Variants in CXCL5 observed in about 807,000 individuals in gnomAD.
CXCL5 encodes C-X-C motif chemokine 5.
Under a neutral mutation model 12.1 loss-of-function variants are expected in CXCL5, and 13 were observed. That is an observed-to-expected ratio of 1.08 (90% CI 0.70 to 1.71). The LOEUF is 1.71. Ranked by LOEUF, CXCL5 falls within the 40% of genes most tolerant of loss-of-function variation. CXCL5 has a pLI of 0.00. For missense variants in CXCL5, 159 were observed against 142.4 expected, an observed-to-expected ratio of 1.12 and a Z score of -0.59; for synonymous variants, 67 against 59.0, an observed-to-expected ratio of 1.14 and a Z score of -0.62.
In CXCL5 at chr4:73,997,360, G is replaced by T; in HGVS notation, c.*277C>A. Reference sequence around the variant, plus strand: ...TTCCTGGCTCACACTATAGTCAATTGCCAAAACTTCAATAGCATAGCAGAT... The same window carrying T: ...TTCCTGGCTCACACTATAGTCAATTTCCAAAACTTCAATAGCATAGCAGAT... On this transcript the variant is annotated 3_prime_UTR_variant, in exon 4 of 4. Coordinates refer to ENST00000296027, the MANE Select transcript of CXCL5 (RefSeq NM_002994.5). The T allele has an allele frequency of 2.7e-6, 1 of 368,580 alleles. No individual in the cohort carries two copies. The highest frequency in any genetic ancestry group is 4.8e-6 in the Non-Finnish European group (1 of 209,078). 22.8% of individuals were successfully genotyped at this position (368,580 alleles called of 1,614,324 possible).
chr4:73,998,448 C>T (rs1378162337), intron 1 of CXCL5, 25 bp downstream of exon 1: 2 of 1,606,062 alleles, frequency 1.2e-6, no homozygotes, highest in East Asian at 2.2e-5. Flanking sequence ...AGTGCGAGTG[C>T]GTCCCGCGCG....
Position 73,996,630 on chromosome 4 carries a change from T to A in CXCL5, c.*1007A>T, listed in dbSNP as rs1578182557. 2 of 152,676 alleles carry A rather than the reference T, an allele frequency of 1.3e-5. No homozygotes were observed. Among genetic ancestry groups the A allele is most frequent in the Non-Finnish European group, 1.5e-5 (1 of 68,016 alleles). 9.5% of individuals were successfully genotyped at this position (152,676 alleles called of 1,614,324 possible). Reference sequence around the variant, plus strand: ...TTTTAACATTCCAAGCTCTCTCTGGTCCCCTATCCAAGGAGAAATGCTAGG... The same window carrying A: ...TTTTAACATTCCAAGCTCTCTCTGGACCCCTATCCAAGGAGAAATGCTAGG... On this transcript the variant is annotated 3_prime_UTR_variant, in exon 4 of 4. Transcript: ENST00000296027.
chr4:73,997,597 A>C lies in CXCL5; in HGVS notation c.*40T>G. The C allele has an allele frequency of 6.4e-7, 1 of 1,572,062 alleles. No individual in the cohort carries two copies. The highest frequency in any genetic ancestry group is 8.7e-7 in the Non-Finnish European group (1 of 1,147,686). The stretch of plus-strand genomic sequence containing the variant: ...AGACCTCCAGAAAACTTCTCTGCTG[A>C]AGACTGGGAAACTTTTCCATGCGTG... On this transcript the variant is annotated 3_prime_UTR_variant, in exon 4 of 4. Coordinates refer to ENST00000296027, the MANE Select transcript of CXCL5 (RefSeq NM_002994.5).
At position 73,998,552 on chromosome 4, in the gene CXCL5, A is replaced by G; in HGVS notation, c.30T>C (p.Arg10=). The G allele has an allele frequency of 6.3e-7, 1 of 1,592,570 alleles. No individual in the cohort carries two copies. The highest frequency in any genetic ancestry group is 8.6e-7 in the Non-Finnish European group (1 of 1,169,408). MSLLSSRAA[R]VPGPSSSLCA... ...ACAAGGAGCTCGAAGGACCGGGGAC[A>G]CGGGCCGCGCGGCTGGACAGGAGGC... Residue 10 remains arginine (R), a synonymous_variant, in exon 1 of 4, where the codon CGT becomes CGC. Transcript: ENST00000296027.
rs1430968873 is a variant in CXCL5, at chr4:73,995,825, A to G, written c.*1812T>C. ...GGCATCTAAAAAGCTCAGCAATGCT[A>G]AATATATAATATATATTATATATAA... On this transcript the variant is annotated 3_prime_UTR_variant, in exon 4 of 4. Coordinates refer to ENST00000296027, the MANE Select transcript of CXCL5 (RefSeq NM_002994.5). 2.7e-5 allele frequency: 4 copies of G among 148,390 alleles called. No individual in the cohort carries two copies. The highest frequency in any genetic ancestry group is 9.8e-5 in the African/African-American group (4 of 40,878). 9.2% of individuals were successfully genotyped at this position (148,390 alleles called of 1,614,324 possible).
At position 73,997,560 on chromosome 4, in the gene CXCL5, C is replaced by T. The variant is rs1025950739; in HGVS notation, c.*77G>A. 17 of 1,066,058 alleles carry T rather than the reference C, an allele frequency of 1.6e-5. No individual in the cohort carries two copies. The Admixed American group carries it at 3.3e-4, about 21-fold the overall frequency. The allele number at this position is 1,066,058 out of a possible 1,614,324, so 66.0% of individuals were successfully genotyped here. A position where few individuals can be genotyped will look rare whatever the true frequency, so the allele number is the denominator to read the frequency against. On this transcript the variant is annotated 3_prime_UTR_variant, in exon 4 of 4. Transcript: ENST00000296027. ...CAACAAAATCTTTCCTTCTTGTCTT[C>T]CCTGGGTTCAGAGACCTCCAGAAAA...
chr4:73,998,430 T>C, intron 1 of CXCL5, 43 bp downstream of exon 1: 2 of 1,607,682 alleles, frequency 1.2e-6, no homozygotes, highest in Non-Finnish European at 1.7e-6. Context: ...GATGCACCTC[T>C]GTGCCCGAGT....
chr4:73,997,931 G>T, intron 3 of CXCL5, 81 bp downstream of exon 3: 1 of 1,206,942 alleles, frequency 8.3e-7, no homozygotes, highest in Non-Finnish European at 1.2e-6. Flanking sequence ...TACTTAAATC[G>T]TACAGAGAAT....
In CXCL5 at chr4:73,997,231, A is replaced by G. The variant is rs566215509; in HGVS notation, c.*406T>C. Reference sequence around the variant, plus strand: ...AGAATTCTTATGAAACATCATTTCCACATTAAATCCACAGCCTTCTCAGTT... The same window carrying G: ...AGAATTCTTATGAAACATCATTTCCGCATTAAATCCACAGCCTTCTCAGTT... On this transcript the variant is annotated 3_prime_UTR_variant, in exon 4 of 4. Coordinates refer to ENST00000296027, the MANE Select transcript of CXCL5 (RefSeq NM_002994.5). 1.8e-5 allele frequency: 3 copies of G among 167,532 alleles called. No individual in the cohort carries two copies. The highest frequency in any genetic ancestry group is 4.7e-5 in the African/African-American group (2 of 42,306). 10.4% of individuals were successfully genotyped at this position (167,532 alleles called of 1,614,324 possible). A position where few individuals can be genotyped will look rare whatever the true frequency, so the allele number is the denominator to read the frequency against.
chr4:73,997,590 T>C lies in CXCL5; in HGVS notation c.*47A>G, dbSNP rs780931521. On this transcript the variant is annotated 3_prime_UTR_variant, in exon 4 of 4. Coordinates refer to ENST00000296027, the MANE Select transcript of CXCL5 (RefSeq NM_002994.5). ...GGTTCAGAGACCTCCAGAAAACTTC[T>C]CTGCTGAAGACTGGGAAACTTTTCC... is the stretch of plus-strand genomic sequence containing the variant. 4.6e-6 allele frequency: 7 copies of C among 1,532,624 alleles called. No individual in the cohort carries two copies. The African/African-American group carries it at 8.3e-5, about 18-fold the overall frequency. 94.9% of individuals were successfully genotyped at this position (1,532,624 alleles called of 1,614,324 possible).
chr4:73,998,288 T>G lies in CXCL5; in HGVS notation c.160A>C (p.Thr54Pro). 1 of 1,614,124 alleles carries G rather than the reference T, an allele frequency of 6.2e-7. No individual in the cohort carries two copies. The highest frequency in any genetic ancestry group is 8.5e-7 in the Non-Finnish European group (1 of 1,180,018). Residue 54 changes from threonine to proline, a missense_variant, in exon 2 of 4, where the codon ACC becomes CCC. Coordinates refer to ENST00000296027, the MANE Select transcript of CXCL5 (RefSeq NM_002994.5). ...ATTTTGGGATGAACTCCTTGCGTGG[T>G]CTGTAAACAAACGCAACGCAGCTCT... ...LRELRCVCLQ[T>P]TQGVHPKMIS...
At position 73,996,331 on chromosome 4, in the gene CXCL5, T is replaced by C. The variant is rs996120975; in HGVS notation, c.*1306A>G. ...GCTTCAAAATCCCAGTGAAATGAAC[T>C]GTGCTAAAAACCCGACAGGCATCTT... is the stretch of plus-strand genomic sequence containing the variant. On this transcript the variant is annotated 3_prime_UTR_variant, in exon 4 of 4. Transcript: ENST00000296027. 1 of 152,470 alleles carries C rather than the reference T, an allele frequency of 6.6e-6. No individual in the cohort carries two copies. Among genetic ancestry groups the C allele is most frequent in the Non-Finnish European group, 1.5e-5 (1 of 68,032 alleles). 9.4% of individuals were successfully genotyped at this position (152,470 alleles called of 1,614,324 possible). A position where few individuals can be genotyped will look rare whatever the true frequency, so the allele number is the denominator to read the frequency against.
At chr4:73,998,164 C>G in intron 2 of CXCL5, 42 bp downstream of exon 2, 1 of 1,613,940 alleles carries the variant, frequency 6.2e-7, no homozygotes, top group Non-Finnish European at 8.5e-7. Flanking sequence ...CGGGATTTCT[C>G]TCTTGCCAAG....
At position 73,997,779 on chromosome 4, in the gene CXCL5, T is replaced by C. The variant is rs113256650; in HGVS notation, c.327-124A>G. 29 of 832,808 alleles carry C rather than the reference T, an allele frequency of 3.5e-5. 1 individual carries two copies. Among genetic ancestry groups the C allele is most frequent in the African/African-American group, 2.6e-4 (15 of 58,004 alleles). The allele number at this position is 832,808 out of a possible 1,614,324, so 51.6% of individuals were successfully genotyped here. On this transcript the variant is annotated intron_variant, in intron 3 of 3. Transcript: ENST00000296027. ...AGAATACAAAAATCAATAAAAGCAATGGGTAAACAAAAAACATAACTTAGT... is the reference window on the plus strand; with the variant it reads ...AGAATACAAAAATCAATAAAAGCAACGGGTAAACAAAAAACATAACTTAGT...
In CXCL5 at chr4:73,996,611, C is replaced by T. The variant is rs1023785266; in HGVS notation, c.*1026G>A. 1 of 152,322 alleles carries T rather than the reference C, an allele frequency of 6.6e-6. No individual in the cohort carries two copies. Among genetic ancestry groups the T allele is most frequent in the Non-Finnish European group, 1.5e-5 (1 of 68,000 alleles). The allele number at this position is 152,322 out of a possible 1,614,324, so 9.4% of individuals were successfully genotyped here. On this transcript the variant is annotated 3_prime_UTR_variant, in exon 4 of 4. Transcript: ENST00000296027. ...TTTTTTTGTTTTGTTTTGTTTTTAA[C>T]ATTCCAAGCTCTCTCTGGTCCCCTA...
Position 73,997,432 on chromosome 4 carries a change from C to A in CXCL5, c.*205G>T. 1.8e-6 allele frequency: 1 copy of A among 561,160 alleles called. No homozygotes were observed. Among genetic ancestry groups the A allele is most frequent in the South Asian group, 2.5e-5 (1 of 40,766 alleles). The allele number at this position is 561,160 out of a possible 1,614,324, so 34.8% of individuals were successfully genotyped here. On this transcript the variant is annotated 3_prime_UTR_variant, in exon 4 of 4. Coordinates refer to ENST00000296027, the MANE Select transcript of CXCL5 (RefSeq NM_002994.5). ...GGTACTATGCTAAACACTTCATTAG[C>A]TGAGCTGAAAGCTTAAGCGGCAAAC...
chr4:73,998,591 G>C lies in CXCL5; in HGVS notation c.-10C>G. The C allele has an allele frequency of 6.4e-7, 1 of 1,573,860 alleles. No homozygotes were observed. Among genetic ancestry groups the C allele is most frequent in the South Asian group, 1.2e-5 (1 of 86,258 alleles). ...TGGACAGGAGGCTCATAGTGGTCAAGAGAGCGCTGCGAGCGGTCGCGGGTT... is the reference window on the plus strand; with the variant it reads ...TGGACAGGAGGCTCATAGTGGTCAACAGAGCGCTGCGAGCGGTCGCGGGTT... On this transcript the variant is annotated 5_prime_UTR_variant, in exon 1 of 4. Coordinates refer to ENST00000296027, the MANE Select transcript of CXCL5 (RefSeq NM_002994.5).
Position 73,996,857 on chromosome 4 carries a change from A to G in CXCL5, c.*780T>C, listed in dbSNP as rs888614951. 2 of 152,230 alleles carry G rather than the reference A, an allele frequency of 1.3e-5. No individual in the cohort carries two copies. The highest frequency in any genetic ancestry group is 2.9e-5 in the Non-Finnish European group (2 of 68,018). 9.4% of individuals were successfully genotyped at this position (152,230 alleles called of 1,614,324 possible). A position where few individuals can be genotyped will look rare whatever the true frequency, so the allele number is the denominator to read the frequency against. On this transcript the variant is annotated 3_prime_UTR_variant, in exon 4 of 4. Transcript: ENST00000296027. ...GCTTCTTCATCTATCTAAAATATATATTTAGCTACCAGAATTATGGTACTC... is the reference window on the plus strand; with the variant it reads ...GCTTCTTCATCTATCTAAAATATATGTTTAGCTACCAGAATTATGGTACTC...
In CXCL5 at chr4:73,997,537, A is replaced by G. The variant is rs2109819383; in HGVS notation, c.*100T>C. ...TGGAAAAACAAATAAACAAACAACAACAAAATCTTTCCTTCTTGTCTTCCC... is the reference window on the plus strand; with the variant it reads ...TGGAAAAACAAATAAACAAACAACAGCAAAATCTTTCCTTCTTGTCTTCCC... On this transcript the variant is annotated 3_prime_UTR_variant, in exon 4 of 4. Transcript: ENST00000296027. 1 of 909,954 alleles carries G rather than the reference A, an allele frequency of 1.1e-6. No individual in the cohort carries two copies. 56.4% of individuals were successfully genotyped at this position (909,954 alleles called of 1,614,324 possible).
Sources: gnomAD v4.1 joint callset for allele counts on GRCh38, gnomAD v4.1.1 for gene constraint, MANE v1.5 for transcripts, NCBI Gene and HGNC (gene_info 2026-07-23, HGNC 2026-07-21) for gene names.